PKP3: variants seen among roughly 807,000 people sequenced by gnomAD.
PKP3 encodes the protein plakophilin 3.
PKP3 carries 66 observed loss-of-function variants against 76.5 expected under a neutral mutation model. The ratio of observed to expected loss-of-function variants is 0.86; its 90% CI spans 0.71 to 1.06. The LOEUF (loss-of-function observed/expected upper bound fraction) is 1.06, where lower values mean the gene tolerates loss of function less well. PKP3 is among the 50% of genes least tolerant of loss of function. The pLI, the probability that PKP3 is intolerant of heterozygous loss-of-function variation, is 0.00. For synonymous variants in PKP3, 638 were observed against 516.5 expected, an observed-to-expected ratio of 1.24 and a Z score of -3.19; for missense variants, 1,338 against 1,141.0, an observed-to-expected ratio of 1.17 and a Z score of -2.49.
rs760200552 is a variant in PKP3 at position 403,736 on chromosome 11, A to G, written c.2042A>G (p.Asn681Ser). 1 of 1,608,936 alleles carries G rather than the reference A, an allele frequency of 6.2e-7. No individual in the cohort carries two copies. The change falls in exon 10 of 13, where the codon AAC (asparagine) becomes AGC (serine). Residue 681 changes from asparagine to serine, a missense_variant. Physicochemically the swap from Asn to Ser is conservative, Grantham distance 46. Coordinates refer to ENST00000331563, the MANE Select transcript of PKP3 (RefSeq NM_007183.4). ...CGCTCACTGACTGGCCTCATCCGAA[A>G]CCTGTCTCGGAACGCTAGGAACAAG... ...QLRSLTGLIR[N>S]LSRNARNKDE...
chr11:393,938 C>T (rs561887853), upstream of PKP3, among the ~76,000 whole-genome samples: 5 of 152,346 alleles, frequency 3.3e-5, no homozygotes, highest in Admixed American at 6.5e-5. Flanking sequence ...CCCAGCCCCA[C>T]GACAAAGGGC....
At position 404,280 on chromosome 11, in the gene PKP3, C is replaced by A; in HGVS notation, c.2315C>A (p.Ala772Asp). 6.2e-7 allele frequency: 1 copy of A among 1,612,664 alleles called. No homozygotes were observed. The highest frequency in any genetic ancestry group is 8.5e-7 in the Non-Finnish European group (1 of 1,179,884). ...TCCCGGGCAGCATCCAGCCTCCTGG[C>A]CAACCTGTGGCAGTACAACAAGCTC... ...KSSRAASSLL[A>D]NLWQYNKLHR... The change falls in exon 12 of 13, where the codon GCC becomes GAC. Residue 772 changes from alanine to aspartate, a missense_variant. Transcript: ENST00000331563. This position sits in a 1 kb window ranked among gnomAD's most constrained non-coding sequence, Gnocchi z 4.2.
intron 8 of PKP3, 111 bp downstream of exon 8, chr11:400,816 G>GCTCACCCCGCCCCA: frequency 3.1e-6 from 1 of 324,726 alleles, no homozygotes; most frequent in Non-Finnish European, 3.9e-6. Flanking sequence ...ACCCCGCCCC[G>GCTCACCCCGCCCCA]CTCACCCCGG....
At chr11:400,213 G>A in intron 6 of PKP3, 72 bp downstream of exon 6, 1 of 1,422,300 alleles carries the variant, frequency 7.0e-7, no homozygotes, top group Non-Finnish European at 9.4e-7. Flanking sequence ...CTGGCCTGGC[G>A]TTCGCAGCCC....
chr11:395,705 A>G (rs1847036809), intron 1 of PKP3, among the ~76,000 whole-genome samples: 1 of 152,106 alleles, frequency 6.6e-6, no homozygotes, highest in South Asian at 2.1e-4. Context: ...GGTGTCCCCC[A>G]CAGAGCATCC....
chr11:399,663 T>C (rs917167429), intron 5 of PKP3, among the ~76,000 whole-genome samples: 1 of 148,182 alleles, frequency 6.7e-6, no homozygotes, highest in Non-Finnish European at 1.5e-5. Flanking sequence ...GTGTTTCTAC[T>C]TGGGCCTCCA....
chr11:396,708 G>C, intron 2 of PKP3, 21 bp downstream of exon 2: 1 of 1,601,240 alleles, frequency 6.2e-7, no homozygotes, highest in Non-Finnish European at 8.5e-7. Flanking sequence ...GGCCCAGCCC[G>C]AGGGGGACGA....
intron 4 of PKP3, 124 bp downstream of exon 4, chr11:397,786 C>T (rs1847075064): frequency 3.2e-6 from 3 of 949,510 alleles, no homozygotes; most frequent in Admixed American, 2.6e-5. Context: ...GTAGACCCCA[C>T]TCTGTCTGGA....
chr11:395,396 C>T (rs766961497), intron 1 of PKP3, among the ~76,000 whole-genome samples: 3 of 152,116 alleles, frequency 2.0e-5, no homozygotes, highest in Non-Finnish European at 4.4e-5. Context: ...GGTCGCCCAG[C>T]GGAGGGGCCG....
intron 9 of PKP3, 116 bp downstream of exon 9, chr11:403,379 G>C: frequency 3.1e-6 from 3 of 954,036 alleles, no homozygotes; most frequent in Non-Finnish European, 4.6e-6. Flanking sequence ...GCGGAGCCTC[G>C]GAGGTCAGCG....
Position 394,400 on chromosome 11 carries a change from G to A in PKP3, c.108G>A (p.Pro36=), listed in dbSNP as rs754747234. The A allele has an allele frequency of 3.1e-5, 46 of 1,482,644 alleles. No homozygotes were observed. Among genetic ancestry groups the A allele is most frequent in the Middle Eastern group, 2.4e-4 (1 of 4,222 alleles). 91.8% of individuals were successfully genotyped at this position (1,482,644 alleles called of 1,614,324 possible). A position where few individuals can be genotyped will look rare whatever the true frequency, so the allele number is the denominator to read the frequency against. ...LQLDRRGAEG[P]EAERLRAARV... is the part of the protein sequence containing the mutation. ...TGGACCGCCGGGGCGCCGAGGGGCC[G>A]GAGGCCGAGCGGCTGCGGGCAGCCC... Residue 36 remains proline, a synonymous_variant, in exon 1 of 13, where the codon CCG becomes CCA. Transcript: ENST00000331563.
Position 396,917 on chromosome 11 carries a change from G to T in PKP3, c.416G>T (p.Gly139Val). Residue 139 changes from glycine (G) to valine (V), a missense_variant, in exon 3 of 13, where the codon GGG becomes GTG. Coordinates refer to ENST00000331563, the MANE Select transcript of PKP3 (RefSeq NM_007183.4). ...CSRRLSSAHN[G>V]GSAFGAAGYG... ...CGGAGGCTGAGTTCAGCCCACAACG[G>T]GGGCAGCGCCTTTGGGGCCGCTGGG... The T allele has an allele frequency of 1.3e-6, 2 of 1,595,014 alleles. No homozygotes were observed. The highest frequency in any genetic ancestry group is 1.7e-6 in the Non-Finnish European group (2 of 1,174,300).
intron 5 of PKP3, 136 bp from the exon 6 acceptor site, chr11:399,830 TC>T: frequency 1.5e-6 from 1 of 680,080 alleles, no homozygotes; most frequent in Non-Finnish European, 2.5e-6. Flanking sequence ...CCCCAGGGTC[TC>T]CCCAGTGGGG....
rs887398405 is a variant in PKP3 at position 403,488 on chromosome 11, G to T, written c.1924-130G>T. ...GGGCTGCGGCTGATTCCCCCCGGCT[G>T]GGGGGCAAAGGCAGAAGCAGAGGCC... On this transcript the variant is annotated intron_variant, in intron 9 of 12. Transcript: ENST00000331563. 4 of 953,464 alleles carry T rather than the reference G, an allele frequency of 4.2e-6. No homozygotes were observed. The African/African-American group carries it at 4.9e-5, about 12-fold the overall frequency. 59.1% of individuals were successfully genotyped at this position (953,464 alleles called of 1,614,324 possible).
At chr11:393,992 C>T (rs961215786), upstream of PKP3, among the ~76,000 whole-genome samples, 6 of 152,374 alleles carry the variant, frequency 3.9e-5, no homozygotes, top group South Asian at 1.2e-3. Context: ...GACCCAGGTC[C>T]CCGTGGCCCT....
At position 400,410 on chromosome 11, in the gene PKP3, T is replaced by A. The variant is rs551260608; in HGVS notation, c.1525T>A (p.Ser509Thr). The change falls in exon 7 of 13, where the codon TCT becomes ACT. Residue 509 changes from serine to threonine, a missense_variant. Ser to Thr is a moderately conservative substitution (Grantham distance 58). Transcript: ENST00000331563. ...CGGGCTGGTGGACGCCCTGGTCACC[T>A]CTATCAACCACGCCCTGGACGCGGG... ...CHGLVDALVT[S>T]INHALDAGKC... 3.9e-6 allele frequency: 6 copies of A among 1,548,600 alleles called. No homozygotes were observed. In the Admixed American group the frequency reaches 1.2e-4, roughly 30 times the overall value.
intron 8 of PKP3, among the ~76,000 whole-genome samples, chr11:400,928 ACCCCCGCCCCGCT>A (rs1847150544): frequency 1.4e-4 from 1 of 7,004 alleles, no homozygotes; most frequent in Non-Finnish European, 2.5e-4. Flanking sequence ...GACCCCGCTC[ACCCCCGCCCCGCT>A]CACCCCCGGC....
rs369940401 is a variant in PKP3 at position 403,968 on chromosome 11, C to T, written c.2103C>T (p.Ile701=). 9 of 1,605,146 alleles carry T rather than the reference C, an allele frequency of 5.6e-6. No homozygotes were observed. Among genetic ancestry groups the T allele is most frequent in the African/African-American group, 2.7e-5 (2 of 74,800 alleles). The change falls in exon 11 of 13, where the codon ATC becomes ATT. Residue 701 remains isoleucine, a synonymous_variant. Coordinates refer to ENST00000331563, the MANE Select transcript of PKP3 (RefSeq NM_007183.4). ...EMSTKVVSHL[I]EKLPGSVGEK... is the part of the protein sequence containing the mutation. ...CCACGAAGGTGGTGAGCCACCTGAT[C>T]GAGAAGCTGCCGGGCAGCGTGGGTG...
chr11:403,534 A>C, intron 9 of PKP3, 84 bp from the exon 10 acceptor site: 1 of 1,372,690 alleles, frequency 7.3e-7, no homozygotes, highest in Admixed American at 1.9e-5. Context: ...TGGCGAGAGG[A>C]TGCAGCGACC....
Sources: allele counts gnomAD v4.1 joint callset (sites outside exome capture counted in the v4.1 genomes callset), GRCh38; gene constraint gnomAD v4.1.1; non-coding constraint Gnocchi (gnomAD v3.1); transcripts MANE v1.5; gene names NCBI Gene and HGNC (gene_info 2026-07-23, HGNC 2026-07-21).